Variants in TRAPPC9 observed in about 807,000 individuals in gnomAD.
The protein encoded by TRAPPC9 is trafficking protein particle complex subunit 9.
Under a neutral mutation model 124.0 loss-of-function variants are expected in TRAPPC9, and 83 were observed. The ratio of observed to expected loss-of-function variants is 0.67; its 90% CI spans 0.56 to 0.80. The LOEUF is 0.80. Ranked by LOEUF, TRAPPC9 falls within the 30% of genes least tolerant of loss-of-function variation. The pLI is 0.00. For synonymous variants in TRAPPC9, 638 were observed against 617.5 expected, an observed-to-expected ratio of 1.03 and a Z score of -0.49; for missense variants, 1,302 against 1,508.3, an observed-to-expected ratio of 0.86 and a Z score of 2.27.
In TRAPPC9 at chr8:139,730,709, C is replaced by A. The variant is rs1817759464; in HGVS notation, c.*352G>T. On this transcript the variant is annotated 3_prime_UTR_variant, in exon 23 of 23. Coordinates refer to ENST00000438773, the MANE Select transcript of TRAPPC9 (RefSeq NM_001160372.4). Reference sequence around the variant, plus strand: ...TCGCTGGACGAGGGAGGTCCCTCTGCTGGGATGAGCAGCACAGCACGGCTG... The same window carrying A: ...TCGCTGGACGAGGGAGGTCCCTCTGATGGGATGAGCAGCACAGCACGGCTG... The A allele has an allele frequency of 3.2e-6, 1 of 308,352 alleles. No homozygotes were observed. The highest frequency in any genetic ancestry group is 6.1e-6 in the Non-Finnish European group (1 of 163,188). The allele number at this position is 308,352 out of a possible 1,614,324, so 19.1% of individuals were successfully genotyped here.
intron 17 of TRAPPC9, among the ~76,000 whole-genome samples, chr8:140,082,855 T>G (rs1164693335): frequency 6.6e-6 from 1 of 152,206 alleles, no homozygotes; most frequent in African/African-American, 2.4e-5. Context: ...GACTTGGGAC[T>G]GCTTTTCTGG....
At chr8:139,925,894 T>C (rs1201585663) in intron 19 of TRAPPC9, among the ~76,000 whole-genome samples, 2 of 151,906 alleles carry the variant, frequency 1.3e-5, no homozygotes, top group African/African-American at 4.8e-5. Flanking sequence ...CTCAGCAGCA[T>C]GGGAAAGCCG....
chr8:140,399,806 CAT>C (rs2069206414), intron 6 of TRAPPC9, among the ~76,000 whole-genome samples: 1 of 152,118 alleles, frequency 6.6e-6, no homozygotes, highest in Non-Finnish European at 1.5e-5. Flanking sequence ...AATGTGAGGA[CAT>C]GAGATTTGAG....
At chr8:140,288,660 T>G (rs966889403) in intron 12 of TRAPPC9, among the ~76,000 whole-genome samples, 2 of 152,066 alleles carry the variant, frequency 1.3e-5, no homozygotes, top group Non-Finnish European at 2.9e-5. Flanking sequence ...GAATCTACAA[T>G]GAAACTTGAA....
At chr8:140,222,624 C>T (rs916821982) in intron 16 of TRAPPC9, among the ~76,000 whole-genome samples, 20 of 152,312 alleles carry the variant, frequency 1.3e-4, no homozygotes, top group African/African-American at 4.8e-4. Context: ...TCTCCAAGGC[C>T]TCTGCATGAT....
intron 17 of TRAPPC9, among the ~76,000 whole-genome samples, chr8:140,034,551 C>CG (rs1840754127): frequency 1.3e-5 from 2 of 152,338 alleles, no homozygotes; most frequent in South Asian, 4.1e-4. Context: ...AAGCTCACTG[C>CG]GGGCAGGGAC....
At chr8:140,194,760 C>T (rs1021541212) in intron 17 of TRAPPC9, among the ~76,000 whole-genome samples, 6 of 152,188 alleles carry the variant, frequency 3.9e-5, no homozygotes, top group South Asian at 2.1e-4. Flanking sequence ...CTTACACACC[C>T]CTGACCATGT....
intron 17 of TRAPPC9, among the ~76,000 whole-genome samples, chr8:140,125,991 C>T (rs1434633636): frequency 6.6e-6 from 1 of 152,004 alleles, no homozygotes; most frequent in Admixed American, 6.5e-5. Context: ...CCAGGATAGT[C>T]TCGATCTCTT....
chr8:140,384,981 A>G (rs576456159), intron 7 of TRAPPC9, among the ~76,000 whole-genome samples: 1 of 152,248 alleles, frequency 6.6e-6, no homozygotes, highest in Non-Finnish European at 1.5e-5. Flanking sequence ...CTCAGACCAC[A>G]GTGCAATCAA....
chr8:140,341,194 T>G (rs117314296), intron 9 of TRAPPC9, among the ~76,000 whole-genome samples: 2 of 152,184 alleles, frequency 1.3e-5, no homozygotes, highest in East Asian at 3.9e-4. Flanking sequence ...AACTAAAAAT[T>G]AATACATATG....
chr8:140,140,355 G>A (rs1288878498), intron 17 of TRAPPC9, among the ~76,000 whole-genome samples: 1 of 152,166 alleles, frequency 6.6e-6, no homozygotes, highest in Non-Finnish European at 1.5e-5. Flanking sequence ...CTCCGATTAA[G>A]TGAGAAGTTC....
intron 8 of TRAPPC9, among the ~76,000 whole-genome samples, chr8:140,370,456 C>A (rs1482813815): frequency 6.6e-6 from 1 of 152,106 alleles, no homozygotes; most frequent in Non-Finnish European, 1.5e-5. Flanking sequence ...AATGTTTTTT[C>A]TCCTTCTAAT....
chr8:140,323,949 A>G (rs570463096), intron 9 of TRAPPC9, among the ~76,000 whole-genome samples: 2 of 152,200 alleles, frequency 1.3e-5, no homozygotes, highest in South Asian at 4.2e-4. Context: ...TGGTTACATA[A>G]ATCAGTTCTT....
At chr8:139,885,075 A>G (rs1829916254) in intron 21 of TRAPPC9, among the ~76,000 whole-genome samples, 1 of 152,202 alleles carries the variant, frequency 6.6e-6, no homozygotes, top group Admixed American at 6.5e-5. Flanking sequence ...ACTCATTCAC[A>G]ATGACCTCTT....
At chr8:140,385,054 T>C (rs1323427926) in intron 7 of TRAPPC9, among the ~76,000 whole-genome samples, 3 of 152,208 alleles carry the variant, frequency 2.0e-5, no homozygotes, top group African/African-American at 4.8e-5. Context: ...CTGAACAACC[T>C]GCTCCTGAAT....
chr8:139,898,115 C>T (rs987772749), intron 20 of TRAPPC9, among the ~76,000 whole-genome samples: 2 of 152,222 alleles, frequency 1.3e-5, no homozygotes, highest in African/African-American at 2.4e-5. Context: ...AAGTGGCGTA[C>T]GCAAGTGGGG....
At chr8:139,784,530 C>T (rs761948723) in intron 21 of TRAPPC9, among the ~76,000 whole-genome samples, 3 of 149,804 alleles carry the variant, frequency 2.0e-5, no homozygotes, top group Admixed American at 6.7e-5. Flanking sequence ...GCAGAGATCG[C>T]GCCATTGCAC....
intron 17 of TRAPPC9, among the ~76,000 whole-genome samples, chr8:140,113,607 G>C (rs2060823247): frequency 6.6e-6 from 1 of 152,166 alleles, no homozygotes; most frequent in South Asian, 2.1e-4. Context: ...GAGACGCCAG[G>C]CAGACTCAGC....
intron 17 of TRAPPC9, among the ~76,000 whole-genome samples, chr8:140,166,703 C>G (rs1260298308): frequency 6.6e-6 from 1 of 152,234 alleles, no homozygotes; most frequent in Non-Finnish European, 1.5e-5. Flanking sequence ...AGAAAGCAAG[C>G]AGGCAGCTCT....
Sources: gnomAD v4.1 joint callset for allele counts (sites outside exome capture counted in the v4.1 genomes callset) on GRCh38, gnomAD v4.1.1 for gene constraint, MANE v1.5 for transcripts, NCBI Gene and HGNC (gene_info 2026-07-23, HGNC 2026-07-21) for gene names.